Variants in FADS2 observed in about 807,000 individuals in gnomAD.
FADS2 encodes fatty acid desaturase 2, also known as acyl-CoA 6-desaturase.
In FADS2, 18 loss-of-function variants were observed where a neutral mutation model predicts 61.2. That is an observed-to-expected ratio of 0.29 (90% CI 0.20 to 0.44). The LOEUF (loss-of-function observed/expected upper bound fraction) is 0.44. FADS2 is among the 20% of genes least tolerant of loss of function. The pLI is 1.00. For synonymous variants in FADS2, 203 were observed against 223.9 expected, an observed-to-expected ratio of 0.91 and a Z score of 0.83; for missense variants, 322 against 572.7, an observed-to-expected ratio of 0.56 and a Z score of 4.47.
intron 5 of FADS2, 92 bp from the exon 6 acceptor site, chr11:61,856,919 T>C (rs2067363995): frequency 5.9e-6 from 6 of 1,021,794 alleles, no homozygotes; most frequent in Non-Finnish European, 9.4e-6. Context: ...CCTGAGCAGA[T>C]AGAAGGGATG....
At chr11:61,819,151 G>A (rs1318260432) in intron 1 of FADS2, among the ~76,000 whole-genome samples, 1 of 152,132 alleles carries the variant, frequency 6.6e-6, no homozygotes, top group Non-Finnish European at 1.5e-5. Flanking sequence ...TGGGATTACA[G>A]GCGTGAGCCA....
Position 61,865,594 on chromosome 11 carries a change from C to G in FADS2, c.1284-44C>G, listed in dbSNP as rs1343473617. 1.9e-6 allele frequency: 3 copies of G among 1,590,604 alleles called. No homozygotes were observed. In the African/African-American group the frequency reaches 4.0e-5, roughly 21 times the overall value. On this transcript the variant is annotated intron_variant, in intron 11 of 11. Transcript: ENST00000278840. This position sits in a 1 kb window ranked among gnomAD's most constrained non-coding sequence, Gnocchi z 4.1. ...TCAGCCCTTGCACTCCCTGGGGCCA[C>G]TCCCGTCCTGGTCCCTGACCCTGGT...
At chr11:61,850,441 GGGT>G (rs1460129789) in intron 5 of FADS2, among the ~76,000 whole-genome samples, 1 of 151,900 alleles carries the variant, frequency 6.6e-6, no homozygotes, top group African/African-American at 2.4e-5. Flanking sequence ...AGTAGAGACG[GGGT>G]TTCACCATGT....
At chr11:61,829,548 G>T (rs1339782923) in intron 1 of FADS2, among the ~76,000 whole-genome samples, 2 of 152,182 alleles carry the variant, frequency 1.3e-5, no homozygotes, top group Non-Finnish European at 2.9e-5. Context: ...TGAAATCCTG[G>T]CATTTATTTA....
intron 1 of FADS2, among the ~76,000 whole-genome samples, chr11:61,822,182 G>A (rs1168090051): frequency 6.6e-6 from 1 of 152,164 alleles, no homozygotes; most frequent in Non-Finnish European, 1.5e-5. Context: ...TGTTAGCCAG[G>A]ATGGTCTCCA....
intron 1 of FADS2, among the ~76,000 whole-genome samples, chr11:61,820,201 CACCT>C (rs2067026956): frequency 6.6e-6 from 1 of 151,994 alleles, no homozygotes; most frequent in Admixed American, 6.5e-5. Context: ...TGATCAACCC[CACCT>C]ACCTAGAACC....
intron 5 of FADS2, among the ~76,000 whole-genome samples, chr11:61,853,273 C>T (rs2067324634): frequency 1.2e-5 from 1 of 81,400 alleles, no homozygotes; most frequent in Non-Finnish European, 2.1e-5. Flanking sequence ...CTCCCTCCCT[C>T]CCTTCCCTCC....
upstream of FADS2, chr11:61,828,175 G>C: frequency 7.1e-7 from 1 of 1,413,764 alleles, no homozygotes; most frequent in Non-Finnish European, 9.2e-7. The surrounding 1 kb of genome is among the most constrained non-coding windows in gnomAD (Gnocchi z 6.4). Context: ...TGGGGGCACT[G>C]GGAAGCCAGG....
chr11:61,830,500 A>G (rs1535), intron 1 of FADS2, among the ~76,000 whole-genome samples: 47,239 of 152,126 alleles, frequency 0.31, 8,690 homozygotes, highest in East Asian at 0.55. Context: ...AGAGGACTAG[A>G]ATGACCTACT....
chr11:61,823,042 C>G (rs1337715111), intron 1 of FADS2, among the ~76,000 whole-genome samples: 1 of 152,202 alleles, frequency 6.6e-6, no homozygotes, highest in Non-Finnish European at 1.5e-5. Context: ...ATTCCTCGAG[C>G]ACTTAGTATG....
chr11:61,862,632 G>A (rs174621), intron 7 of FADS2: 62,252 of 306,688 alleles, frequency 0.2, 7,046 homozygotes, highest in Middle Eastern at 0.25. Flanking sequence ...ACCTGGCCCC[G>A]GGTTGGGGGC....
chr11:61,857,141 C>T, intron 6 of FADS2, 70 bp downstream of exon 6: 1 of 1,272,566 alleles, frequency 7.9e-7, no homozygotes, highest in Non-Finnish European at 1.2e-6. Context: ...TCTCTCCCTC[C>T]TACCTGACAT....
intron 1 of FADS2, among the ~76,000 whole-genome samples, chr11:61,831,854 C>T (rs775727898): frequency 2.0e-5 from 3 of 152,184 alleles, no homozygotes; most frequent in South Asian, 2.1e-4. Flanking sequence ...CGGTGCTTCT[C>T]TCGCCTTTTC....
chr11:61,856,945 GT>G, intron 5 of FADS2, 65 bp from the exon 6 acceptor site: 1 of 1,292,256 alleles, frequency 7.7e-7, no homozygotes. Context: ...TGCAGGATGG[GT>G]TGGGGAACAT....
At chr11:61,841,007 G>C (rs533061571) in intron 4 of FADS2, among the ~76,000 whole-genome samples, 1 of 152,002 alleles carries the variant, frequency 6.6e-6, no homozygotes, top group Non-Finnish European at 1.5e-5. Flanking sequence ...CTTAGCTAAG[G>C]ACTCATCTAA....
intron 1 of FADS2, among the ~76,000 whole-genome samples, chr11:61,834,580 T>C: frequency 6.6e-6 from 1 of 152,014 alleles, no homozygotes; most frequent in East Asian, 1.9e-4. Context: ...TCCCTTGGAG[T>C]TGGAACCTCG....
chr11:61,857,945 T>C (rs929845158), intron 7 of FADS2, among the ~76,000 whole-genome samples: 3 of 152,218 alleles, frequency 2.0e-5, no homozygotes, highest in Admixed American at 2.0e-4. Context: ...GCGAAGACCG[T>C]ATGACAAAGC....
At chr11:61,854,023 TCCC>T (rs1328289019) in intron 5 of FADS2, among the ~76,000 whole-genome samples, 1 of 152,196 alleles carries the variant, frequency 6.6e-6, no homozygotes, top group Non-Finnish European at 1.5e-5. Context: ...CTGGCTGCAC[TCCC>T]TCCCTTGCCC....
chr11:61,843,064 A>C (rs530105300), intron 4 of FADS2, among the ~76,000 whole-genome samples: 1 of 152,336 alleles, frequency 6.6e-6, no homozygotes, highest in East Asian at 1.9e-4. Context: ...CATTTCTTCC[A>C]AAGTGTGATC....
Sources: allele counts gnomAD v4.1 joint callset (sites outside exome capture counted in the v4.1 genomes callset), GRCh38; gene constraint gnomAD v4.1.1; non-coding constraint Gnocchi (gnomAD v3.1); transcripts MANE v1.5; gene names NCBI Gene and HGNC (gene_info 2026-07-23, HGNC 2026-07-21).